The following MARCHF4 variants were observed in gnomAD, a reference collection of about 807,000 sequenced individuals.
The protein encoded by MARCHF4 is E3 ubiquitin-protein ligase MARCHF4.
A neutral mutation model predicts 43.9 loss-of-function variants in MARCHF4; 14 were observed. The observed-to-expected ratio is 0.32, with a 90% CI of 0.21 to 0.50. MARCHF4 has a LOEUF of 0.50. MARCHF4 is among the 20% of genes least tolerant of loss of function. The pLI is 0.98. For missense variants in MARCHF4, 468 were observed against 536.7 expected (o/e 0.87, Z 1.27); for synonymous variants, 226 against 213.3 (o/e 1.06, Z -0.52).
intron 1 of MARCHF4, among the ~76,000 whole-genome samples, chr2:216,354,936 T>TTTCTTTCTTTCTTTC (rs1692468657): frequency 2.2e-5 from 3 of 138,072 alleles, no homozygotes; most frequent in African/African-American, 8.4e-5. Context: ...TCTTTCTTTC[T>TTTCTTTCTTTCTTTC]TTCTTTCTTT....
intron 1 of MARCHF4, among the ~76,000 whole-genome samples, chr2:216,349,561 G>C (rs1692366659): frequency 6.6e-6 from 1 of 152,190 alleles, no homozygotes; most frequent in South Asian, 2.1e-4. Flanking sequence ...GGGATGATGT[G>C]AAGTGCAGGA....
intron 1 of MARCHF4, among the ~76,000 whole-genome samples, chr2:216,337,377 G>C (rs1692174125): frequency 6.6e-6 from 1 of 152,132 alleles, no homozygotes; most frequent in Admixed American, 6.6e-5. Context: ...AAGCATTACT[G>C]TTTTTAAAAA....
chr2:216,277,453 G>A (rs890587542), intron 3 of MARCHF4, among the ~76,000 whole-genome samples: 12 of 152,136 alleles, frequency 7.9e-5, no homozygotes, highest in Admixed American at 4.6e-4. Context: ...TGCAAGACAG[G>A]TTTGTTTGGG....
Position 216,259,565 on chromosome 2 carries a change from T to G in MARCHF4, c.980A>C (p.Lys327Thr), listed in dbSNP as rs1300872810. 1 of 1,614,078 alleles carries G rather than the reference T, an allele frequency of 6.2e-7. No homozygotes were observed. Among genetic ancestry groups the G allele is most frequent in the Non-Finnish European group, 8.5e-7 (1 of 1,180,042 alleles). The change falls in exon 4 of 4, where the codon AAG (lysine) becomes ACG (threonine). Residue 327 changes from lysine to threonine, a missense_variant. Lys to Thr is a moderately conservative substitution (Grantham distance 78). This residue lies in a region of MARCHF4 where 120 missense variants were observed against 127.1 expected (regional missense o/e 0.94). Transcript: ENST00000273067. ...YDKTKDLEDQ[K>T]AGGRTNPRTS... The stretch of plus-strand genomic sequence containing the variant: ...CCGGGGGTTGGTCCTGCCTCCTGCC[T>G]TTTGATCCTCCAGGTCTTTTGTCTT...
At chr2:216,272,686 G>T (rs149597903) in intron 3 of MARCHF4, among the ~76,000 whole-genome samples, 2,141 of 152,218 alleles carry the variant, frequency 0.014, 58 homozygotes, top group African/African-American at 0.048. Context: ...GGGGCTAATC[G>T]GTTTCTCTCT....
intron 1 of MARCHF4, among the ~76,000 whole-genome samples, chr2:216,308,888 T>G (rs2105954797): frequency 6.6e-6 from 1 of 152,346 alleles, no homozygotes; most frequent in South Asian, 2.1e-4. Context: ...TTCCCCTTTT[T>G]TTCCTATTCT....
chr2:216,297,752 G>T (rs1358997453), intron 1 of MARCHF4, among the ~76,000 whole-genome samples: 1 of 152,092 alleles, frequency 6.6e-6, no homozygotes, highest in Non-Finnish European at 1.5e-5. Flanking sequence ...CCCACCTCAG[G>T]TGATCCACTC....
intron 1 of MARCHF4, among the ~76,000 whole-genome samples, chr2:216,292,286 C>A (rs1409843782): frequency 5.9e-5 from 9 of 152,190 alleles, no homozygotes; most frequent in Admixed American, 5.9e-4. Flanking sequence ...GCATAGCAAC[C>A]CATTAAAATT....
At chr2:216,321,591 T>C (rs1691896221) in intron 1 of MARCHF4, 1 of 152,132 alleles carries the variant, frequency 6.6e-6, no homozygotes, top group Non-Finnish European at 1.5e-5. Flanking sequence ...GAAACCTGAA[T>C]CTTGTTAAAT....
chr2:216,311,131 A>G (rs1438548997), intron 1 of MARCHF4, among the ~76,000 whole-genome samples: 5 of 152,238 alleles, frequency 3.3e-5, no homozygotes, highest in Admixed American at 6.5e-5. Context: ...AAACTTTAGA[A>G]TCAAATTCTG....
intron 1 of MARCHF4, among the ~76,000 whole-genome samples, chr2:216,352,412 G>A (rs2105979933): frequency 6.6e-6 from 1 of 152,378 alleles, no homozygotes; most frequent in South Asian, 2.1e-4. Flanking sequence ...CCCAGGGTGA[G>A]TGTGCAGAGA....
intron 1 of MARCHF4, among the ~76,000 whole-genome samples, chr2:216,302,726 C>T (rs996485632): frequency 2.0e-5 from 3 of 151,128 alleles, no homozygotes; most frequent in African/African-American, 7.3e-5. Context: ...AATGAAACCC[C>T]GTCTCCACTA....
chr2:216,368,403 T>C (rs1471560293), intron 1 of MARCHF4, among the ~76,000 whole-genome samples: 2 of 152,202 alleles, frequency 1.3e-5, no homozygotes, highest in African/African-American at 4.8e-5. Context: ...GATACTTAGG[T>C]AATCTTAAGA....
chr2:216,367,313 CT>C (rs1340265876), intron 1 of MARCHF4, among the ~76,000 whole-genome samples: 2 of 151,900 alleles, frequency 1.3e-5, no homozygotes, highest in African/African-American at 4.8e-5. Flanking sequence ...CTCTCTCCCC[CT>C]CCCTCCTCCT....
intron 3 of MARCHF4, among the ~76,000 whole-genome samples, chr2:216,274,506 T>C (rs1442971820): frequency 6.6e-6 from 1 of 151,896 alleles, no homozygotes; most frequent in Admixed American, 6.6e-5. Context: ...TTCCCTCTAC[T>C]GGACAGAATA....
Position 216,370,028 on chromosome 2 carries a change from GTGT to G in MARCHF4, c.230_232del (p.Asn77del), listed in dbSNP as rs1559109980. 1.9e-6 allele frequency: 3 copies of G among 1,549,044 alleles called. No homozygotes were observed. Among genetic ancestry groups the G allele is most frequent in the South Asian group, 2.4e-5 (2 of 84,838 alleles). ...CCCCCCGGCGCCCAGAGCCGGAAGG[GTGT>G]TGTTGGCCGCCAAACCGGGGGGCTG... is the stretch of plus-strand genomic sequence containing the variant. On this transcript the variant is annotated inframe_deletion, in exon 1 of 4. Coordinates refer to ENST00000273067, the MANE Select transcript of MARCHF4 (RefSeq NM_020814.3).
rs543379784 is a variant in MARCHF4 at position 216,334,486 on chromosome 2, C to T, written c.516+35259G>A. Among the ~76,000 whole-genome samples the T allele has an allele frequency of 8.1e-4, 123 of 152,154 alleles. 1 individual carries two copies. Among genetic ancestry groups the T allele is most frequent in the Non-Finnish European group, 1.5e-3 (103 of 67,978 alleles). On this transcript the variant is annotated intron_variant, in intron 1 of 3. Coordinates refer to ENST00000273067, the MANE Select transcript of MARCHF4 (RefSeq NM_020814.3). ...TATAATCACAGCTCACTGTAGCCTC[C>T]AACTCCTGAACTCAAGTGATCCTCC...
In MARCHF4 at chr2:216,351,861, T is replaced by C. The variant is rs182830115; in HGVS notation, c.516+17884A>G. ...CCAACATGAGGGTAGGTGGTAATAA[T>C]GCTGATGGCACCTGGGGATTAATTT... is the stretch of plus-strand genomic sequence containing the variant. On this transcript the variant is annotated intron_variant, in intron 1 of 3. Transcript: ENST00000273067. Among the ~76,000 whole-genome samples, 3 of 152,324 alleles carry C rather than the reference T, an allele frequency of 2.0e-5. No individual in the cohort carries two copies. The East Asian group carries it at 5.8e-4, about 29-fold the overall frequency.
At position 216,347,193 on chromosome 2, in the gene MARCHF4, T is replaced by G. The variant is rs572742353; in HGVS notation, c.516+22552A>C. Among the ~76,000 whole-genome samples the G allele has an allele frequency of 2.0e-5, 3 of 152,314 alleles. No homozygotes were observed. The East Asian group carries it at 5.8e-4, about 29-fold the overall frequency. ...GTATTTCTTGATAGCAGTGTAAGAA[T>G]GGTCTAATACAGCAGCCTATGAATG... On this transcript the variant is annotated intron_variant, in intron 1 of 3. Coordinates refer to ENST00000273067, the MANE Select transcript of MARCHF4 (RefSeq NM_020814.3).
Sources: allele counts gnomAD v4.1 joint callset (sites outside exome capture counted in the v4.1 genomes callset), GRCh38; gene constraint gnomAD v4.1.1; regional missense constraint gnomAD v4.1.1; transcripts MANE v1.5; gene names NCBI Gene and HGNC (gene_info 2026-07-23, HGNC 2026-07-21).